The following ATXN7L1 variants were observed in gnomAD, a reference collection of about 807,000 sequenced individuals.
The protein encoded by ATXN7L1 is ataxin-7-like protein 1.
Under a neutral mutation model 70.8 loss-of-function variants are expected in ATXN7L1, and 15 were observed. The observed-to-expected ratio is 0.21, with a 90% CI of 0.14 to 0.33. The LOEUF is 0.33. Ranked by LOEUF, ATXN7L1 falls within the 10% of genes least tolerant of loss-of-function variation. ATXN7L1 has a pLI of 1.00. For missense variants in ATXN7L1, 975 were observed against 1,097.1 expected, an observed-to-expected ratio of 0.89 and a Z score of 1.57; for synonymous variants, 440 against 445.1, an observed-to-expected ratio of 0.99 and a Z score of 0.14.
chr7:105,759,484 G>GTGTGTGTGTT (rs1554453050), intron 3 of ATXN7L1, among the ~76,000 whole-genome samples: 2,162 of 135,638 alleles, frequency 0.016, 43 homozygotes, highest in African/African-American at 0.038. Flanking sequence ...GTGTGTGTGT[G>GTGTGTGTGTT]TGTGTGTATG....
chr7:105,662,082 C>CTTTCT (rs147718380), intron 4 of ATXN7L1, among the ~76,000 whole-genome samples: 7 of 78,818 alleles, frequency 8.9e-5, no homozygotes, highest in South Asian at 6.3e-4. Context: ...TTCCTTCCTT[C>CTTTCT]TTTCTTTTCT....
chr7:105,621,900 G>T (rs1794992343), intron 8 of ATXN7L1, among the ~76,000 whole-genome samples: 1 of 152,084 alleles, frequency 6.6e-6, no homozygotes, highest in East Asian at 1.9e-4. Flanking sequence ...GTTTTGGGGG[G>T]TTTCGCATTA....
chr7:105,763,839 T>G (rs1421522992), intron 3 of ATXN7L1, among the ~76,000 whole-genome samples: 1 of 152,080 alleles, frequency 6.6e-6, no homozygotes, highest in Non-Finnish European at 1.5e-5. Flanking sequence ...AATGTAGTTT[T>G]TTTTTTGTTG....
intron 3 of ATXN7L1, among the ~76,000 whole-genome samples, chr7:105,729,305 A>AATGAATG (rs1563043848): frequency 4.4e-4 from 16 of 36,162 alleles, no homozygotes; most frequent in South Asian, 3.1e-3. Context: ...ATGAATGAAT[A>AATGAATG]AATAAATAAA....
At chr7:105,649,474 A>G (rs971082136) in intron 4 of ATXN7L1, 2 of 987,586 alleles carry the variant, frequency 2.0e-6, no homozygotes, top group Non-Finnish European at 2.4e-6. Flanking sequence ...GTCTGAATTT[A>G]TCTTTCTAGA....
intron 2 of ATXN7L1, among the ~76,000 whole-genome samples, chr7:105,823,183 G>A (rs1249756306): frequency 6.6e-6 from 1 of 152,018 alleles, no homozygotes; most frequent in East Asian, 1.9e-4. Context: ...TTGTGAAGTG[G>A]TAATCCTGAT....
At chr7:105,848,280 T>C (rs1814362765) in intron 2 of ATXN7L1, among the ~76,000 whole-genome samples, 1 of 152,218 alleles carries the variant, frequency 6.6e-6, no homozygotes, top group Non-Finnish European at 1.5e-5. Context: ...CATACACTCC[T>C]GATGGGAGTA....
intron 4 of ATXN7L1, among the ~76,000 whole-genome samples, chr7:105,656,551 T>C (rs1035221366): frequency 3.3e-5 from 5 of 151,348 alleles, no homozygotes; most frequent in Non-Finnish European, 7.4e-5. Flanking sequence ...ATGGCAATGC[T>C]CTGTTTTCCC....
In ATXN7L1 at chr7:105,819,905, G is replaced by T. The variant is rs1010742143; in HGVS notation, c.251-31197C>A. ...CCTACAAGAAACTTTGCCTACGTGG[G>T]GCGCCTGGCTCACGAGGTTTGCTGT... On this transcript the variant is annotated intron_variant, in intron 2 of 11. Coordinates refer to ENST00000419735, the MANE Select transcript of ATXN7L1 (RefSeq NM_020725.2). 1.7e-4 allele frequency: 91 copies of T among 539,762 alleles called. 2 individuals carry two copies. The highest frequency in any genetic ancestry group is 1.2e-3 in the South Asian group (81 of 68,278). 33.4% of individuals were successfully genotyped at this position (539,762 alleles called of 1,614,324 possible).
chr7:105,664,943 C>T, intron 4 of ATXN7L1, 123 bp downstream of exon 4: 1 of 995,454 alleles, frequency 1.0e-6, no homozygotes. Context: ...TTTCATTCCT[C>T]AGTCCCCCAA....
At chr7:105,637,156 G>C (rs1474336259) in intron 7 of ATXN7L1, among the ~76,000 whole-genome samples, 1 of 152,164 alleles carries the variant, frequency 6.6e-6, no homozygotes, top group Non-Finnish European at 1.5e-5. Context: ...CCATCTGACC[G>C]CGTCCTCCTG....
At chr7:105,814,285 G>C (rs757800792) in intron 2 of ATXN7L1, among the ~76,000 whole-genome samples, 1 of 152,176 alleles carries the variant, frequency 6.6e-6, no homozygotes, top group African/African-American at 2.4e-5. Context: ...ACTCCAGTGA[G>C]CTTCTAAAAA....
chr7:105,782,618 G>T (rs1209452961), intron 3 of ATXN7L1, among the ~76,000 whole-genome samples: 1 of 152,204 alleles, frequency 6.6e-6, no homozygotes, highest in Non-Finnish European at 1.5e-5. Context: ...CTGGGCGGGG[G>T]GCTCCATGTC....
intron 2 of ATXN7L1, among the ~76,000 whole-genome samples, chr7:105,820,376 A>C (rs1357382828): frequency 6.6e-6 from 1 of 152,136 alleles, no homozygotes; most frequent in African/African-American, 2.4e-5. Context: ...GTGAAGAGTG[A>C]GCACTGTGGG....
At position 105,676,946 on chromosome 7, in the gene ATXN7L1, C is replaced by T. The variant is rs115339646; in HGVS notation, c.356-11658G>A. Among the ~76,000 whole-genome samples, 1,029 of 152,316 alleles carry T rather than the reference C, an allele frequency of 6.8e-3. 15 individuals are homozygous for T. Among genetic ancestry groups the T allele is most frequent in the African/African-American group, 0.024 (988 of 41,576 alleles). On this transcript the variant is annotated intron_variant, in intron 3 of 11. Transcript: ENST00000419735. Reference sequence around the variant, plus strand: ...TAAATACATAAAAATACCTGAACAGCTGGACCGAATCTTCCCAACGCTGTC... The same window carrying T: ...TAAATACATAAAAATACCTGAACAGTTGGACCGAATCTTCCCAACGCTGTC...
At chr7:105,662,125 C>T (rs1490808177) in intron 4 of ATXN7L1, among the ~76,000 whole-genome samples, 3 of 136,588 alleles carry the variant, frequency 2.2e-5, no homozygotes, top group Non-Finnish European at 3.1e-5. Context: ...TTTTTTAAGC[C>T]AGAGTCTTGC....
chr7:105,735,324 G>A lies in ATXN7L1; in HGVS notation c.355+53280C>T, dbSNP rs114848580. ...CAGTCCTTCTTTTGGGATATTCCCC[G>A]TGATTTCAGGGTCCAGGACCTTCCA... On this transcript the variant is annotated intron_variant, in intron 3 of 11. Transcript: ENST00000419735. Among the ~76,000 whole-genome samples, 1,478 of 152,264 alleles carry A rather than the reference G, an allele frequency of 9.7e-3. 24 individuals carry two copies. Among genetic ancestry groups the A allele is most frequent in the African/African-American group, 0.034 (1,410 of 41,542 alleles).
Position 105,614,900 on chromosome 7 carries a change from G to C in ATXN7L1, c.1518-84C>G. 8 of 1,442,910 alleles carry C rather than the reference G, an allele frequency of 5.5e-6. No individual in the cohort carries two copies. Among genetic ancestry groups the C allele is most frequent in the Non-Finnish European group, 7.4e-6 (8 of 1,081,040 alleles). The allele number at this position is 1,442,910 out of a possible 1,614,324, so 89.4% of individuals were successfully genotyped here. ...GAGGCTCGATGACGTTTGAGGATCA[G>C]GGCTACAGAGGACACCCCGGCAGAA... On this transcript the variant is annotated intron_variant, in intron 9 of 11. Coordinates refer to ENST00000419735, the MANE Select transcript of ATXN7L1 (RefSeq NM_020725.2). The surrounding 1 kb of genome is among the most constrained non-coding windows in gnomAD (Gnocchi z 4.3).
chr7:105,670,107 C>T (rs1207095292), intron 3 of ATXN7L1, among the ~76,000 whole-genome samples: 3 of 151,996 alleles, frequency 2.0e-5, no homozygotes, highest in Non-Finnish European at 2.9e-5. Flanking sequence ...TGAAGACCTG[C>T]CTGTAGTGGA....
Sources: gnomAD v4.1 joint callset for allele counts (sites outside exome capture counted in the v4.1 genomes callset) on GRCh38, gnomAD v4.1.1 for gene constraint, Gnocchi (gnomAD v3.1) non-coding constraint, MANE v1.5 for transcripts, NCBI Gene and HGNC (gene_info 2026-07-23, HGNC 2026-07-21) for gene names.